The following SRCIN1 variants were observed in gnomAD, a reference collection of about 807,000 sequenced individuals.
SRCIN1 encodes P130Cas-associated protein.
SRCIN1 carries 50 observed loss-of-function variants against 116.2 expected under a neutral mutation model. The observed-to-expected ratio is 0.43, with a 90% CI of 0.34 to 0.54. The LOEUF is 0.54. Among genes scored for constraint, SRCIN1 ranks in the 20% least tolerant of loss-of-function variants. The probability of loss-of-function intolerance (pLI) is 0.02; values close to 1 mark genes in which losing one functional copy is unlikely to be tolerated. For missense variants in SRCIN1, 1,446 were observed against 1,672.0 expected, an observed-to-expected ratio of 0.86 and a Z score of 2.36; for synonymous variants, 736 against 750.0, an observed-to-expected ratio of 0.98 and a Z score of 0.30.
At chr17:38,543,349 G>A (rs573056710) in intron 18 of SRCIN1, among the ~76,000 whole-genome samples, 1 of 152,352 alleles carries the variant, frequency 6.6e-6, no homozygotes, top group South Asian at 2.1e-4. Flanking sequence ...TGAGAGTGGG[G>A]CCCTGAATAG....
At chr17:38,592,793 C>T (rs74643039) in intron 1 of SRCIN1, among the ~76,000 whole-genome samples, 38 of 151,856 alleles carry the variant, frequency 2.5e-4, no homozygotes, top group African/African-American at 8.7e-4. Flanking sequence ...AAGGATCACA[C>T]TGTGGCTACA....
chr17:38,578,891 C>G (rs1597921113), intron 1 of SRCIN1, 100 bp from the exon 2 acceptor site: 5 of 1,369,102 alleles, frequency 3.7e-6, no homozygotes, highest in Non-Finnish European at 4.8e-6. Flanking sequence ...GGGCCTGGGC[C>G]TAAGGAGAGT....
At position 38,532,997 on chromosome 17, in the gene SRCIN1, A is replaced by G. The variant is rs56153173; in HGVS notation, c.*300T>C. ...GTGAAAGAGAAGAAGGAGAGATGTG[A>G]CAGGTGCGGCCAGCGAGAGGCCAGC... On this transcript the variant is annotated 3_prime_UTR_variant, in exon 19 of 19. Transcript: ENST00000617146. This position sits in a 1 kb window ranked among gnomAD's most constrained non-coding sequence, Gnocchi z 4.3. The G allele has an allele frequency of 0.099, 21,722 of 219,560 alleles. 1,156 individuals carry two copies. Among genetic ancestry groups the G allele is most frequent in the South Asian group, 0.15 (996 of 6,560 alleles). The allele number at this position is 219,560 out of a possible 1,614,324, so 13.6% of individuals were successfully genotyped here.
chr17:38,560,600 C>T (rs1289529280), intron 7 of SRCIN1, among the ~76,000 whole-genome samples, 175 bp from the exon 8 acceptor site: 1 of 152,224 alleles, frequency 6.6e-6, no homozygotes, highest in Non-Finnish European at 1.5e-5. Context: ...CCTCCCATCT[C>T]ACCTTTCATT....
At chr17:38,590,959 G>A (rs536664226) in intron 1 of SRCIN1, among the ~76,000 whole-genome samples, 1 of 152,148 alleles carries the variant, frequency 6.6e-6, no homozygotes, top group African/African-American at 2.4e-5. Context: ...CTCTTGGGGG[G>A]GCCTATTCCC....
chr17:38,535,333 C>G (rs547328665), intron 18 of SRCIN1, among the ~76,000 whole-genome samples: 8 of 151,578 alleles, frequency 5.3e-5, no homozygotes, highest in Non-Finnish European at 1.0e-4. Context: ...CTCAGCCTCC[C>G]GAGTAGCTGG....
At chr17:38,547,733 G>A in intron 17 of SRCIN1, 2 of 323,714 alleles carry the variant, frequency 6.2e-6, no homozygotes, top group South Asian at 2.3e-5. Flanking sequence ...AGAGAGAGCT[G>A]TGAGAAGTGG....
In SRCIN1 at chr17:38,604,677, A is replaced by C. The variant is rs1909258963; in HGVS notation, c.22+1007T>G. ...CCGGGCCCTGACAGCTGAGCTGCGG[A>C]GGCACCCGGCCTGTCCCCTCTGCTT... On this transcript the variant is annotated intron_variant, in intron 1 of 18. Transcript: ENST00000617146. This position sits in a 1 kb window ranked among gnomAD's most constrained non-coding sequence, Gnocchi z 4.3. 1 of 374,068 alleles carries C rather than the reference A, an allele frequency of 2.7e-6. No individual in the cohort carries two copies. Among genetic ancestry groups the C allele is most frequent in the Non-Finnish European group, 5.3e-6 (1 of 188,212 alleles). 23.2% of individuals were successfully genotyped at this position (374,068 alleles called of 1,614,324 possible). A position where few individuals can be genotyped will look rare whatever the true frequency, so the allele number is the denominator to read the frequency against.
At chr17:38,538,769 T>C (rs1344826259) in intron 18 of SRCIN1, among the ~76,000 whole-genome samples, 2 of 152,200 alleles carry the variant, frequency 1.3e-5, no homozygotes, top group Non-Finnish European at 2.9e-5. Flanking sequence ...TTATGCTCCC[T>C]GGCAGGGCAA....
intron 10 of SRCIN1, 122 bp downstream of exon 10, chr17:38,559,463 G>C (rs760068788): frequency 2.4e-5 from 25 of 1,031,436 alleles, no homozygotes; most frequent in Middle Eastern, 3.2e-4. Context: ...GAGCGGCGAA[G>C]GACTCGGGCG....
At chr17:38,533,788 A>T (rs2040960895) in intron 18 of SRCIN1, among the ~76,000 whole-genome samples, 1 of 148,760 alleles carries the variant, frequency 6.7e-6, no homozygotes, top group Non-Finnish European at 1.5e-5. Context: ...GGGGAGGAAG[A>T]AGTGAAACAT....
intron 18 of SRCIN1, among the ~76,000 whole-genome samples, chr17:38,535,210 T>TTC (rs1555604160): frequency 1.1e-5 from 1 of 89,390 alleles, no homozygotes; most frequent in African/African-American, 1.6e-4. Context: ...TTTTTCTTTC[T>TTC]TTTTTTTTTT....
At chr17:38,596,271 T>C (rs1908725624) in intron 1 of SRCIN1, among the ~76,000 whole-genome samples, 1 of 151,870 alleles carries the variant, frequency 6.6e-6, no homozygotes, top group South Asian at 2.1e-4. Context: ...GGCCATGGGG[T>C]TGGGGGAGGT....
chr17:38,548,821 G>A, intron 16 of SRCIN1, 112 bp from the exon 17 acceptor site: 1 of 1,396,548 alleles, frequency 7.2e-7, no homozygotes, highest in Non-Finnish European at 9.4e-7. Flanking sequence ...TACTTCTGCT[G>A]CTACACCCCT....
chr17:38,547,842 G>C, intron 17 of SRCIN1: 1 of 216,566 alleles, frequency 4.6e-6, no homozygotes, highest in Non-Finnish European at 9.7e-6. Context: ...TGGCGGCGGG[G>C]CGTGGGGGGG....
intron 18 of SRCIN1, among the ~76,000 whole-genome samples, chr17:38,540,022 A>T (rs897044069): frequency 9.1e-6 from 1 of 109,858 alleles, no homozygotes; most frequent in Non-Finnish European, 1.8e-5. Context: ...CTCCATCTCA[A>T]AAAAAAAAAA....
At chr17:38,534,072 G>A (rs2040966210) in intron 18 of SRCIN1, among the ~76,000 whole-genome samples, 1 of 152,152 alleles carries the variant, frequency 6.6e-6, no homozygotes, top group Admixed American at 6.5e-5. Flanking sequence ...GCAAGCACTT[G>A]TCGCCCCAGT....
intron 2 of SRCIN1, among the ~76,000 whole-genome samples, chr17:38,573,418 T>C (rs557949243): frequency 1.3e-5 from 2 of 152,190 alleles, no homozygotes; most frequent in Non-Finnish European, 2.9e-5. Context: ...GACTCAGCCT[T>C]AGGGGCAGGG....
At chr17:38,549,966 C>T (rs1461685316) in intron 15 of SRCIN1, among the ~76,000 whole-genome samples, 1 of 152,240 alleles carries the variant, frequency 6.6e-6, no homozygotes, top group Admixed American at 6.5e-5. Flanking sequence ...CACTCATTTG[C>T]AAGATTTCAG....
Sources: gnomAD v4.1 joint callset for allele counts (sites outside exome capture counted in the v4.1 genomes callset) on GRCh38, gnomAD v4.1.1 for gene constraint, Gnocchi (gnomAD v3.1) non-coding constraint, MANE v1.5 for transcripts, NCBI Gene and HGNC (gene_info 2026-07-23, HGNC 2026-07-21) for gene names.